The following FMN1 variants were observed in gnomAD, a reference collection of about 807,000 sequenced individuals.
The protein encoded by FMN1 is formin-1.
A neutral mutation model predicts 132.4 loss-of-function variants in FMN1; 110 were observed. The observed-to-expected ratio is 0.83, with a 90% CI of 0.71 to 0.97. The LOEUF (loss-of-function observed/expected upper bound fraction) is 0.97, where lower values mean the gene tolerates loss of function less well. Ranked by LOEUF, FMN1 falls within the 50% of genes least tolerant of loss-of-function variation. The pLI, the probability that FMN1 is intolerant of heterozygous loss-of-function variation, is 0.00. For synonymous variants in FMN1, 722 were observed against 651.7 expected (o/e 1.11, Z -1.64); for missense variants, 1,792 against 1,705.3 (o/e 1.05, Z -0.90).
At chr15:33,066,235 A>AC (rs2037719174) in intron 5 of FMN1, among the ~76,000 whole-genome samples, 1 of 152,172 alleles carries the variant, frequency 6.6e-6, no homozygotes, top group Non-Finnish European at 1.5e-5. Flanking sequence ...AAGTGCGTTT[A>AC]CCATCAACGT....
intron 17 of FMN1, among the ~76,000 whole-genome samples, chr15:32,814,105 G>C (rs888943416): frequency 4.6e-5 from 7 of 152,134 alleles, no homozygotes; most frequent in Non-Finnish European, 1.0e-4. Flanking sequence ...TCTGGTGAGA[G>C]ACTCATTAAC....
At chr15:33,151,445 C>T in intron 4 of FMN1, 1 of 1,498,770 alleles carries the variant, frequency 6.7e-7, no homozygotes, top group Non-Finnish European at 9.0e-7. Flanking sequence ...TGTGATCATC[C>T]ATTCACCTTG....
chr15:32,809,054 A>AG (rs1478283136), intron 17 of FMN1, among the ~76,000 whole-genome samples: 7 of 152,096 alleles, frequency 4.6e-5, no homozygotes, highest in Non-Finnish European at 8.8e-5. Flanking sequence ...CAGGAGAAAG[A>AG]GAAAAACTTA....
intron 17 of FMN1, among the ~76,000 whole-genome samples, chr15:32,856,406 A>G (rs967564248): frequency 5.9e-5 from 9 of 152,230 alleles, no homozygotes; most frequent in Non-Finnish European, 1.3e-4. Flanking sequence ...TTCCCTACTC[A>G]TGCCAAAACT....
chr15:33,081,165 A>C (rs2038440198), intron 5 of FMN1, among the ~76,000 whole-genome samples: 2 of 152,170 alleles, frequency 1.3e-5, no homozygotes, highest in Non-Finnish European at 2.9e-5. Flanking sequence ...CATTAAGACA[A>C]GAGCCTGGAC....
At chr15:33,125,648 T>G (rs1171894985) in intron 4 of FMN1, among the ~76,000 whole-genome samples, 3 of 151,848 alleles carry the variant, frequency 2.0e-5, no homozygotes, top group African/African-American at 4.8e-5. Flanking sequence ...AAGACTAGCC[T>G]GGTCAACATG....
chr15:32,936,934 T>A (rs953630421), intron 9 of FMN1, among the ~76,000 whole-genome samples: 18 of 152,182 alleles, frequency 1.2e-4, no homozygotes, highest in Admixed American at 1.2e-3. Context: ...TAGCTTTTTG[T>A]TCTCAGCAGT....
At chr15:33,071,423 T>G (rs574948444) in intron 5 of FMN1, among the ~76,000 whole-genome samples, 2 of 152,338 alleles carry the variant, frequency 1.3e-5, no homozygotes, top group East Asian at 1.9e-4. Context: ...TTAAGAAGAC[T>G]TCTTCATCCA....
chr15:32,900,411 T>C (rs769599557), intron 13 of FMN1, among the ~76,000 whole-genome samples: 2 of 152,234 alleles, frequency 1.3e-5, no homozygotes, highest in Non-Finnish European at 2.9e-5. Flanking sequence ...AGTTTAATTT[T>C]TAATACTTAT....
intron 17 of FMN1, among the ~76,000 whole-genome samples, chr15:32,816,463 TTTTTGTTTTTC>T (rs974331601): frequency 6.6e-6 from 1 of 152,176 alleles, no homozygotes; most frequent in African/African-American, 2.4e-5. Context: ...GTTAAGAGGA[TTTTTGTTTTTC>T]ATTTGTTTTT....
rs1444523400 is a variant in FMN1 at position 32,785,218 on chromosome 15, A to ATATTTTTTTTTTTTTTTT, written c.4131-8300_4131-8299insAAAAAAAAAAAAAAAATA. Among the ~76,000 whole-genome samples, 4 of 39,204 alleles carry ATATTTTTTTTTTTTTTTT rather than the reference A, an allele frequency of 1.0e-4. 1 individual carries two copies. The highest frequency in any genetic ancestry group is 1.4e-4 in the Non-Finnish European group (3 of 22,108). The allele number at this position is 39,204 out of a possible 152,430, so 25.7% of individuals were successfully genotyped here. On this transcript the variant is annotated intron_variant, in intron 19 of 20. Transcript: ENST00000616417. The stretch of plus-strand genomic sequence containing the variant: ...TGTGTGTGTATATATATATATATAT[A>ATATTTTTTTTTTTTTTTT]TTTTTTTTTTTTTTTTTTTGTAGAG...
At position 32,910,370 on chromosome 15, in the gene FMN1, GGCCAC is replaced by G. The variant is rs1211197944; in HGVS notation, c.3288+99_3288+103del. 5.9e-5 allele frequency: 53 copies of G among 898,928 alleles called. No individual in the cohort carries two copies. In the East Asian group the frequency reaches 6.4e-4, roughly 11 times the overall value. 55.7% of individuals were successfully genotyped at this position (898,928 alleles called of 1,614,324 possible). A position where few individuals can be genotyped will look rare whatever the true frequency, so the allele number is the denominator to read the frequency against. On this transcript the variant is annotated intron_variant, in intron 11 of 20. Transcript: ENST00000616417. The stretch of plus-strand genomic sequence containing the variant: ...TGTTTCTATGCCTTAATCTCTTCCA[GGCCAC>G]GTCAAAACCCTTACTACCAAAGAAC...
intron 9 of FMN1, among the ~76,000 whole-genome samples, chr15:32,930,994 T>C (rs568682514): frequency 6.6e-6 from 1 of 152,132 alleles, no homozygotes; most frequent in African/African-American, 2.4e-5. Context: ...CAAAGAACAT[T>C]TGCCTGTATA....
At chr15:32,988,053 T>A (rs1184472020) in intron 7 of FMN1, among the ~76,000 whole-genome samples, 1 of 122,756 alleles carries the variant, frequency 8.1e-6, no homozygotes, top group Non-Finnish European at 1.7e-5. Flanking sequence ...TCTCCAGTTT[T>A]TTTTTTTTTT....
At chr15:33,113,708 C>G (rs895482822) in intron 4 of FMN1, among the ~76,000 whole-genome samples, 4 of 152,142 alleles carry the variant, frequency 2.6e-5, no homozygotes, top group African/African-American at 7.2e-5. Context: ...AGGGGCCCCA[C>G]GTTGAACACT....
intron 4 of FMN1, among the ~76,000 whole-genome samples, chr15:33,090,540 A>G (rs1374049661): frequency 6.6e-6 from 1 of 151,930 alleles, no homozygotes; most frequent in Non-Finnish European, 1.5e-5. Flanking sequence ...GAGAAAAATG[A>G]GAGTCCAGGG....
At chr15:33,031,117 CA>C (rs1341247917) in intron 6 of FMN1, among the ~76,000 whole-genome samples, 81 of 152,218 alleles carry the variant, frequency 5.3e-4, no homozygotes, top group African/African-American at 1.8e-3. Context: ...GATCAAGGCA[CA>C]AACAGCTTAA....
intron 15 of FMN1, among the ~76,000 whole-genome samples, chr15:32,893,084 G>T (rs533366446): frequency 6.6e-6 from 1 of 152,310 alleles, no homozygotes; most frequent in East Asian, 1.9e-4. Context: ...GTAGTTTCAG[G>T]AATCCTCTTG....
At chr15:32,846,755 C>T (rs1172066811) in intron 17 of FMN1, among the ~76,000 whole-genome samples, 2 of 152,180 alleles carry the variant, frequency 1.3e-5, no homozygotes, top group Non-Finnish European at 2.9e-5. Context: ...GAGATGCATG[C>T]ACACGTATGT....
Sources: allele counts gnomAD v4.1 joint callset (sites outside exome capture counted in the v4.1 genomes callset), GRCh38; gene constraint gnomAD v4.1.1; transcripts MANE v1.5; gene names NCBI Gene and HGNC (gene_info 2026-07-23, HGNC 2026-07-21).